The following SAMD12 variants were observed in gnomAD, a reference collection of about 807,000 sequenced individuals.
SAMD12 encodes the protein sterile alpha motif domain containing 12.
Under a neutral mutation model 15.0 loss-of-function variants are expected in SAMD12, and 9 were observed. That is an observed-to-expected ratio of 0.60 (90% confidence interval 0.36 to 1.05). The LOEUF (loss-of-function observed/expected upper bound fraction) is 1.05, where lower values mean the gene tolerates loss of function less well. Among genes scored for constraint, SAMD12 ranks in the 50% least tolerant of loss-of-function variants. The pLI, the probability that SAMD12 is intolerant of heterozygous loss-of-function variation, is 0.01. For synonymous variants in SAMD12, 86 were observed against 90.1 expected (o/e 0.96, Z 0.25); for missense variants, 230 against 234.2 (o/e 0.98, Z 0.12).
chr8:118,418,727 AAAAG>A (rs1224487244), intron 3 of SAMD12, among the ~76,000 whole-genome samples: 16 of 152,162 alleles, frequency 1.1e-4, no homozygotes, highest in African/African-American at 3.9e-4. Context: ...TCAAAAAAAA[AAAAG>A]AAAAGTCAGC....
At chr8:118,497,318 C>G (rs1399779470) in intron 2 of SAMD12, among the ~76,000 whole-genome samples, 1 of 152,154 alleles carries the variant, frequency 6.6e-6, no homozygotes, top group Non-Finnish European at 1.5e-5. Context: ...AGGAATCAAC[C>G]TAGATGCCAA....
At chr8:118,221,829 C>T (rs922601358) in intron 4 of SAMD12, among the ~76,000 whole-genome samples, 19 of 152,176 alleles carry the variant, frequency 1.2e-4, no homozygotes, top group African/African-American at 4.3e-4. Context: ...TTTTTACATT[C>T]GTTGGGGTGA....
chr8:118,320,185 TCAGAGGACTA>T (rs1816158403), intron 4 of SAMD12, among the ~76,000 whole-genome samples: 1 of 152,148 alleles, frequency 6.6e-6, no homozygotes, highest in African/African-American at 2.4e-5. Context: ...TGATTTAACT[TCAGAGGACTA>T]CAGTGATATT....
chr8:118,328,954 C>T (rs1816686583), intron 4 of SAMD12, among the ~76,000 whole-genome samples: 1 of 152,172 alleles, frequency 6.6e-6, no homozygotes, highest in African/African-American at 2.4e-5. Flanking sequence ...AAAAGCTTCT[C>T]CTCAGCGCTA....
intron 4 of SAMD12, among the ~76,000 whole-genome samples, chr8:118,244,617 G>A (rs17455085): frequency 0.14 from 21,090 of 151,742 alleles, 2,076 homozygotes; most frequent in African/African-American, 0.28. Context: ...AATGATTATC[G>A]TAGCTAAAAT....
chr8:118,186,714 T>C (rs898262464), downstream of SAMD12, among the ~76,000 whole-genome samples: 2 of 152,184 alleles, frequency 1.3e-5, no homozygotes, highest in African/African-American at 4.8e-5. Context: ...TTTGTTTTAA[T>C]GATTTTGAAA....
the SAMD12 span, among the ~76,000 whole-genome samples, chr8:118,163,682 T>C: frequency 6.6e-6 from 1 of 152,018 alleles, no homozygotes; most frequent in Non-Finnish European, 1.5e-5. Context: ...GAGACCATCC[T>C]GGCTAACACG....
At chr8:118,548,105 C>T (rs905634548) in intron 2 of SAMD12, among the ~76,000 whole-genome samples, 1 of 152,074 alleles carries the variant, frequency 6.6e-6, no homozygotes, top group Admixed American at 6.5e-5. Flanking sequence ...AGAGAATAGA[C>T]AAAGAATGAA....
chr8:118,355,188 T>C (rs1403929397), intron 4 of SAMD12, among the ~76,000 whole-genome samples: 1 of 152,208 alleles, frequency 6.6e-6, no homozygotes, highest in Non-Finnish European at 1.5e-5. Flanking sequence ...TGTATACACA[T>C]ACGATGGAAT....
At chr8:118,238,526 A>T (rs1216356673) in intron 4 of SAMD12, among the ~76,000 whole-genome samples, 1 of 152,126 alleles carries the variant, frequency 6.6e-6, no homozygotes, top group African/African-American at 2.4e-5. Flanking sequence ...CCAACCCTTC[A>T]GAGTTCCCTA....
At chr8:118,315,732 C>G (rs1353856703) in intron 4 of SAMD12, among the ~76,000 whole-genome samples, 1 of 152,042 alleles carries the variant, frequency 6.6e-6, no homozygotes, top group African/African-American at 2.4e-5. Flanking sequence ...TGGAGGGAAC[C>G]CAAAGCTGAA....
chr8:118,486,924 A>G (rs1824307150), intron 2 of SAMD12, among the ~76,000 whole-genome samples: 1 of 152,206 alleles, frequency 6.6e-6, no homozygotes, highest in African/African-American at 2.4e-5. Context: ...AGCAGAATGC[A>G]GCCACTGTCA....
chr8:118,460,851 C>T (rs888485780), intron 2 of SAMD12, among the ~76,000 whole-genome samples: 5 of 152,158 alleles, frequency 3.3e-5, no homozygotes, highest in African/African-American at 9.7e-5. Context: ...AAGGATGAAA[C>T]GGACCCATTT....
chr8:118,478,649 G>T (rs1824035086), intron 2 of SAMD12, among the ~76,000 whole-genome samples: 1 of 152,222 alleles, frequency 6.6e-6, no homozygotes, highest in African/African-American at 2.4e-5. Context: ...GAACTGACCA[G>T]GCAGTCTGGC....
At chr8:118,246,781 T>G (rs1357438382) in intron 4 of SAMD12, among the ~76,000 whole-genome samples, 1 of 152,168 alleles carries the variant, frequency 6.6e-6, no homozygotes, top group Non-Finnish European at 1.5e-5. Flanking sequence ...AATGATGATT[T>G]ATCTGAGTTT....
At chr8:118,621,724 T>C (rs1478969926) in intron 1 of SAMD12, 80 bp downstream of exon 1, 1 of 1,528,054 alleles carries the variant, frequency 6.5e-7, no homozygotes, top group Admixed American at 1.7e-5. Context: ...CTCCCCACGA[T>C]CGCCAAGCTT....
At chr8:118,358,219 T>C (rs997736784) in intron 4 of SAMD12, among the ~76,000 whole-genome samples, 8 of 152,166 alleles carry the variant, frequency 5.3e-5, no homozygotes, top group Admixed American at 5.2e-4. Flanking sequence ...ATATGCTTGC[T>C]CTTCTCCTAT....
chr8:118,249,634 T>C (rs1048156443), intron 4 of SAMD12, among the ~76,000 whole-genome samples: 14 of 152,134 alleles, frequency 9.2e-5, no homozygotes, highest in African/African-American at 3.4e-4. Flanking sequence ...TTCTAAAAGA[T>C]TTTGTGTTTT....
intron 4 of SAMD12, among the ~76,000 whole-genome samples, chr8:118,264,767 AT>A (rs1813160029): frequency 6.6e-6 from 1 of 152,124 alleles, no homozygotes; most frequent in Non-Finnish European, 1.5e-5. Flanking sequence ...TGACAATGAC[AT>A]TTTGTAGATG....
Sources: gnomAD v4.1 joint callset for allele counts (sites outside exome capture counted in the v4.1 genomes callset) on GRCh38, gnomAD v4.1.1 for gene constraint, MANE v1.5 for transcripts, NCBI Gene and HGNC (gene_info 2026-07-23, HGNC 2026-07-21) for gene names.